Variants in SPECC1 observed in about 807,000 individuals in gnomAD.
SPECC1 encodes sperm antigen with calponin homology and coiled-coil domains 1.
In SPECC1, 62 loss-of-function variants were observed where a neutral mutation model predicts 104.1. That is an observed-to-expected ratio of 0.60 (90% CI 0.49 to 0.74). The LOEUF (loss-of-function observed/expected upper bound fraction) is 0.74. SPECC1 is among the 30% of genes least tolerant of loss of function. SPECC1 has a pLI of 0.00. For missense variants in SPECC1, 1,306 were observed against 1,310.5 expected, an observed-to-expected ratio of 1.00 and a Z score of 0.05; for synonymous variants, 513 against 501.6, an observed-to-expected ratio of 1.02 and a Z score of -0.30.
intron 3 of SPECC1, among the ~76,000 whole-genome samples, chr17:20,202,665 T>C (rs1018290705): frequency 2.0e-5 from 3 of 152,206 alleles, no homozygotes; most frequent in Non-Finnish European, 2.9e-5. Context: ...ATAATACATA[T>C]AACACAAAGT....
At chr17:20,210,151 A>T (rs1355223934) in intron 4 of SPECC1, among the ~76,000 whole-genome samples, 1 of 152,224 alleles carries the variant, frequency 6.6e-6, no homozygotes, top group South Asian at 2.1e-4. Flanking sequence ...TGGCAAATAG[A>T]TGATCCTGTA....
At position 20,309,521 on chromosome 17, in the gene SPECC1, C is replaced by T. The variant is rs186214802; in HGVS notation, c.3117+3439C>T. 9.2e-5 allele frequency among the ~76,000 whole-genome samples: 14 copies of T among 152,188 alleles called. No individual in the cohort carries two copies. In the East Asian group the frequency reaches 2.7e-3, roughly 29 times the overall value. On this transcript the variant is annotated intron_variant, in intron 14 of 14. Coordinates refer to ENST00000395527, the MANE Select transcript of SPECC1 (RefSeq NM_001243439.2). ...GTCACCCAGATAGGCACATAGTAGCCGATAGTTTTTCAGCCCTTGCCTCCC... is the reference window on the plus strand; with the variant it reads ...GTCACCCAGATAGGCACATAGTAGCTGATAGTTTTTCAGCCCTTGCCTCCC...
intron 1 of SPECC1, among the ~76,000 whole-genome samples, chr17:20,066,059 A>T (rs907317465): frequency 6.6e-6 from 1 of 152,228 alleles, no homozygotes; most frequent in Non-Finnish European, 1.5e-5. Flanking sequence ...TCAGATAAAC[A>T]ATTTCTATCC....
At chr17:20,132,516 A>AGTTT (rs201813080) in intron 3 of SPECC1, among the ~76,000 whole-genome samples, 4,086 of 150,414 alleles carry the variant, frequency 0.027, 163 homozygotes, top group African/African-American at 0.089. Flanking sequence ...TCTACTTAGA[A>AGTTT]GTTTGTTTGT....
intron 1 of SPECC1, among the ~76,000 whole-genome samples, chr17:20,085,021 C>T (rs1597667725): frequency 6.6e-6 from 1 of 152,222 alleles, no homozygotes; most frequent in East Asian, 1.9e-4. Flanking sequence ...GTTTACCAGA[C>T]AGTAGAGGGT....
Position 20,317,818 on chromosome 17 carries a change from C to G in SPECC1, c.*3753C>G, listed in dbSNP as rs1329452574. 1.8e-5 allele frequency: 4 copies of G among 225,314 alleles called. No individual in the cohort carries two copies. Among genetic ancestry groups the G allele is most frequent in the South Asian group, 1.8e-4 (1 of 5,462 alleles). The allele number at this position is 225,314 out of a possible 1,614,324, so 14.0% of individuals were successfully genotyped here. On this transcript the variant is annotated 3_prime_UTR_variant, in exon 15 of 15. Coordinates refer to ENST00000395527, the MANE Select transcript of SPECC1 (RefSeq NM_001243439.2). ...AACTGTGACTGATGGCCTCAGGAGTCCAGGAATAGGCCTTCTAGCACAGCA... is the reference window on the plus strand; with the variant it reads ...AACTGTGACTGATGGCCTCAGGAGTGCAGGAATAGGCCTTCTAGCACAGCA...
chr17:20,156,608 C>G (rs534399727), intron 3 of SPECC1, among the ~76,000 whole-genome samples: 72 of 152,268 alleles, frequency 4.7e-4, no homozygotes, highest in African/African-American at 1.6e-3. Context: ...GCGGCCTCTC[C>G]CTGTCGGCCG....
At chr17:20,216,959 C>T (rs927544293) in intron 4 of SPECC1, among the ~76,000 whole-genome samples, 2 of 151,540 alleles carry the variant, frequency 1.3e-5, no homozygotes, top group Admixed American at 6.6e-5. Flanking sequence ...CGGAGTTCAG[C>T]CTAAGCAACA....
At chr17:20,147,479 G>T (rs978517544) in intron 3 of SPECC1, among the ~76,000 whole-genome samples, 4 of 152,178 alleles carry the variant, frequency 2.6e-5, no homozygotes, top group Admixed American at 2.0e-4. Flanking sequence ...AATTGTGTGT[G>T]TGTTTTTTAA....
At chr17:20,077,746 C>T (rs753745069) in intron 1 of SPECC1, among the ~76,000 whole-genome samples, 36 of 152,054 alleles carry the variant, frequency 2.4e-4, no homozygotes, top group Non-Finnish European at 4.4e-4. Flanking sequence ...GGGTTACAAG[C>T]GTGAGCCACC....
intron 1 of SPECC1, among the ~76,000 whole-genome samples, chr17:20,019,841 A>G (rs1013852601): frequency 1.4e-4 from 21 of 152,054 alleles, no homozygotes; most frequent in African/African-American, 5.1e-4. Flanking sequence ...AGCTCTGCTC[A>G]CAGGGCCTTT....
intron 2 of SPECC1, among the ~76,000 whole-genome samples, chr17:20,102,646 T>G (rs1465315013): frequency 6.6e-6 from 1 of 152,214 alleles, no homozygotes; most frequent in Non-Finnish European, 1.5e-5. Context: ...GCATTTTTAC[T>G]GAATATTGTT....
chr17:20,193,369 C>G (rs925426190), intron 3 of SPECC1, among the ~76,000 whole-genome samples: 6 of 152,146 alleles, frequency 3.9e-5, no homozygotes, highest in Non-Finnish European at 7.3e-5. Flanking sequence ...CTCATTTTAC[C>G]CAGCTCCTAT....
rs2038303542 is a variant in SPECC1 at position 20,227,603 on chromosome 17, T to A, written c.2054T>A (p.Leu685His). The part of the protein sequence containing the change: ...HRAVKLHNNQ[L>H]ISELESSVIK... ...GCTGTCAAGTTACACAATAATCAAC[T>A]CATCAGTGAGCTAGAAAGTAAGTGG... is the stretch of plus-strand genomic sequence containing the variant. Residue 685 changes from leucine (L) to histidine (H), a missense_variant, in exon 5 of 15, where the codon CTC becomes CAC. By Grantham distance (99) the Leu-to-His change is moderately conservative. Around this residue, in one of 2 missense-constraint regions of SPECC1, gnomAD observed 1,177 missense variants for 1,139.9 expected, o/e 1.03. Coordinates refer to ENST00000395527, the MANE Select transcript of SPECC1 (RefSeq NM_001243439.2). The A allele has an allele frequency of 1.2e-6, 2 of 1,611,474 alleles. No homozygotes were observed. Among genetic ancestry groups the A allele is most frequent in the African/African-American group, 1.3e-5 (1 of 74,756 alleles).
At chr17:20,173,495 C>G (rs1173888469) in intron 3 of SPECC1, among the ~76,000 whole-genome samples, 1 of 152,198 alleles carries the variant, frequency 6.6e-6, no homozygotes, top group Non-Finnish European at 1.5e-5. Flanking sequence ...TGGTGACATT[C>G]AGTATACCCC....
At chr17:20,030,091 C>G (rs2044750298) in intron 1 of SPECC1, among the ~76,000 whole-genome samples, 1 of 152,176 alleles carries the variant, frequency 6.6e-6, no homozygotes, top group Non-Finnish European at 1.5e-5. Flanking sequence ...GCCTCCAGAA[C>G]TGGGAGAAAA....
At position 20,247,443 on chromosome 17, in the gene SPECC1, G is replaced by A. The variant is rs370874735; in HGVS notation, c.2598+124G>A. 1.8e-4 allele frequency: 106 copies of A among 596,114 alleles called. No individual in the cohort carries two copies. In the East Asian group the frequency reaches 2.2e-3, roughly 12 times the overall value. The allele number at this position is 596,114 out of a possible 1,614,324, so 36.9% of individuals were successfully genotyped here. On this transcript the variant is annotated intron_variant, in intron 9 of 14. Coordinates refer to ENST00000395527, the MANE Select transcript of SPECC1 (RefSeq NM_001243439.2). ...GTGTAGAGTATGTGTTTTGTAAATTGGATTGCACTATGCATTATTCCAATA... is the reference window on the plus strand; with the variant it reads ...GTGTAGAGTATGTGTTTTGTAAATTAGATTGCACTATGCATTATTCCAATA...
chr17:20,033,357 T>G (rs2044906744), intron 1 of SPECC1, among the ~76,000 whole-genome samples: 2 of 152,192 alleles, frequency 1.3e-5, no homozygotes, highest in South Asian at 4.1e-4. Context: ...GAGCCTCTTG[T>G]TCTTATTTGT....
At chr17:20,138,061 T>A (rs1434302882) in intron 3 of SPECC1, among the ~76,000 whole-genome samples, 4 of 151,806 alleles carry the variant, frequency 2.6e-5, no homozygotes, top group African/African-American at 9.7e-5. Flanking sequence ...CTTGAACTCC[T>A]GGGCTCAAGC....
Sources: gnomAD v4.1 joint callset for allele counts (sites outside exome capture counted in the v4.1 genomes callset) on GRCh38, gnomAD v4.1.1 for gene constraint, gnomAD v4.1.1 regional missense constraint, MANE v1.5 for transcripts, NCBI Gene and HGNC (gene_info 2026-07-23, HGNC 2026-07-21) for gene names.